Variants in RYR3 observed in about 807,000 individuals in gnomAD.
RYR3 encodes the protein brain ryanodine receptor-calcium release channel.
RYR3 carries 207 observed loss-of-function variants against 584.3 expected under a neutral mutation model. The ratio of observed to expected loss-of-function variants is 0.35; its 90% CI spans 0.32 to 0.40. RYR3 has a LOEUF of 0.40. Among genes scored for constraint, RYR3 ranks in the 10% least tolerant of loss-of-function variants. The pLI is 1.00. For missense variants in RYR3, 5,616 were observed against 6,089.2 expected (o/e 0.92, Z 2.59); for synonymous variants, 2,416 against 2,248.5 (o/e 1.07, Z -2.11).
At chr15:33,399,508 G>A (rs2042505233) in intron 1 of RYR3, among the ~76,000 whole-genome samples, 1 of 152,098 alleles carries the variant, frequency 6.6e-6, no homozygotes, top group Admixed American at 6.5e-5. Context: ...TGTGGTGGCC[G>A]GCGCCTGTAT....
rs1436370170 is a variant in RYR3 at position 33,539,556 on chromosome 15, A to G, written c.546+94A>G. 1.6e-5 allele frequency: 12 copies of G among 732,144 alleles called. 1 individual carries two copies. Among genetic ancestry groups the G allele is most frequent in the African/African-American group, 1.6e-4 (9 of 56,836 alleles). The allele number at this position is 732,144 out of a possible 1,614,324, so 45.4% of individuals were successfully genotyped here. On this transcript the variant is annotated intron_variant, in intron 6 of 103. Coordinates refer to ENST00000634891, the MANE Select transcript of RYR3 (RefSeq NM_001036.6). ...AGAACTGAGCCACAGCAGGTTGGAT[A>G]GAATAAGATGCTTTTACATATATAG...
chr15:33,523,372 A>G (rs750811573), intron 3 of RYR3, among the ~76,000 whole-genome samples: 1 of 151,918 alleles, frequency 6.6e-6, no homozygotes, highest in Non-Finnish European at 1.5e-5. Flanking sequence ...GAGCTGTAAC[A>G]CTCACTGCGA....
intron 60 of RYR3, 129 bp from the exon 61 acceptor site, chr15:33,768,529 T>C (rs757089722): frequency 1.3e-5 from 10 of 782,238 alleles, no homozygotes; most frequent in Non-Finnish European, 2.1e-5. Flanking sequence ...GCTAGGAACA[T>C]AGTGCATCTC....
At position 33,768,699 on chromosome 15, in the gene RYR3, C is replaced by G. The variant is rs375523528; in HGVS notation, c.8747C>G (p.Ser2916Cys). The part of the protein sequence containing the change: ...KLAALVRHRI[S>C]LFGSDSTTMV... ...GCCGCTCTCGTTAGACACAGAATTT[C>G]CCTCTTTGGTAAGTGAAGTGTTGCT... Residue 2916 changes from serine (S) to cysteine (C), a missense_variant, in exon 61 of 104, where the codon TCC (serine) becomes TGC (cysteine). By Grantham distance (112) the Ser-to-Cys change is moderately radical. Coordinates refer to ENST00000634891, the MANE Select transcript of RYR3 (RefSeq NM_001036.6). 11 of 1,613,810 alleles carry G rather than the reference C, an allele frequency of 6.8e-6. No individual in the cohort carries two copies. Among genetic ancestry groups the G allele is most frequent in the Admixed American group, 1.7e-5 (1 of 60,014 alleles).
intron 57 of RYR3, among the ~76,000 whole-genome samples, chr15:33,750,626 T>C (rs2278309): frequency 0.81 from 122,728 of 152,178 alleles, 49,580 homozygotes; most frequent in Admixed American, 0.85. Context: ...GAGTTATAAA[T>C]GACATCCATA....
chr15:33,323,764 G>C (rs1969322506), intron 1 of RYR3, among the ~76,000 whole-genome samples: 1 of 152,148 alleles, frequency 6.6e-6, no homozygotes, highest in African/African-American at 2.4e-5. Context: ...TTGACTCCCA[G>C]CTGTTTGGGA....
chr15:33,744,397 C>T (rs1937642260), intron 52 of RYR3, among the ~76,000 whole-genome samples: 1 of 152,164 alleles, frequency 6.6e-6, no homozygotes. Flanking sequence ...TTCATGAGGG[C>T]ATAGATACAT....
Position 33,857,846 on chromosome 15 carries a change from T to C in RYR3, c.14074T>C (p.Phe4692Leu). The C allele has an allele frequency of 6.2e-7, 1 of 1,614,216 alleles. No homozygotes were observed. The highest frequency in any genetic ancestry group is 8.5e-7 in the Non-Finnish European group (1 of 1,180,044). ...YLYTVVAFNF[F>L]RKFYNKSEDD... ...CTATACTGTGGTGGCTTTCAACTTC[T>C]TCCGCAAGTTCTACAACAAAAGCGA... Residue 4692 changes from phenylalanine (F) to leucine (L), a missense_variant, in exon 99 of 104, where the codon TTC (phenylalanine) becomes CTC (leucine). This residue lies in a region of RYR3 where 918 missense variants were observed against 887.4 expected (regional missense o/e 1.03). Transcript: ENST00000634891.
Position 33,739,092 on chromosome 15 carries a change from C to T in RYR3, c.7656+502C>T, listed in dbSNP as rs967593483. On this transcript the variant is annotated intron_variant, in intron 50 of 103. Coordinates refer to ENST00000634891, the MANE Select transcript of RYR3 (RefSeq NM_001036.6). ...GAGTGAGAACTGAGAGCCTCTGAAT[C>T]CCAGGCCTTACTTGAACGGTGTGAT... is the stretch of plus-strand genomic sequence containing the variant. Among the ~76,000 whole-genome samples the T allele has an allele frequency of 1.6e-4, 24 of 152,310 alleles. 1 individual carries two copies. The highest frequency in any genetic ancestry group is 1.5e-3 in the Admixed American group (23 of 15,300).
At chr15:33,745,957 C>T (rs1351432222) in intron 52 of RYR3, 111 bp from the exon 53 acceptor site, 3 of 744,856 alleles carry the variant, frequency 4.0e-6, no homozygotes, top group Non-Finnish European at 7.1e-6. Context: ...TTTCTAAGCC[C>T]TGTCACTATC....
intron 91 of RYR3, 50 bp from the exon 92 acceptor site, chr15:33,843,438 C>G (rs1416710724): frequency 7.5e-7 from 1 of 1,326,576 alleles, no homozygotes; most frequent in Admixed American, 2.0e-5. Flanking sequence ...GTAGGAAGTT[C>G]TCTTTTCCTT....
chr15:33,334,725 A>G (rs1228578764), intron 1 of RYR3, among the ~76,000 whole-genome samples: 1 of 152,182 alleles, frequency 6.6e-6, no homozygotes, highest in Non-Finnish European at 1.5e-5. Flanking sequence ...GAAAACTATC[A>G]ACAGAGTAAA....
rs758720608 is a variant in RYR3, at chr15:33,670,466, A to G, written c.5770A>G (p.Thr1924Ala). ...EEEEEEDTSW[T>A]GKLCALVYKI... Reference sequence around the variant, plus strand: ...AGAGGAGGAGGAGGACACCTCCTGGACAGGAAAACTCTGTGCCTTGGTTTA... The same window carrying G: ...AGAGGAGGAGGAGGACACCTCCTGGGCAGGAAAACTCTGTGCCTTGGTTTA... Residue 1924 changes from threonine (T) to alanine (A), a missense_variant, in exon 38 of 104, where the codon ACA becomes GCA. Thr to Ala is a moderately conservative substitution (Grantham distance 58, BLOSUM62 0). Transcript: ENST00000634891. 2 of 1,613,064 alleles carry G rather than the reference A, an allele frequency of 1.2e-6. No homozygotes were observed. The highest frequency in any genetic ancestry group is 2.2e-5 in the East Asian group (1 of 44,866).
chr15:33,725,180 C>CACACACACACACACACACACATAA (rs1555427016), intron 45 of RYR3, among the ~76,000 whole-genome samples: 1 of 143,792 alleles, frequency 7.0e-6, no homozygotes, highest in Non-Finnish European at 1.5e-5. Flanking sequence ...CACACACACA[C>CACACACACACACACACACACATAA]ACACACACAC....
At chr15:33,842,953 G>A (rs553094980) in intron 91 of RYR3, among the ~76,000 whole-genome samples, 1 of 152,208 alleles carries the variant, frequency 6.6e-6, no homozygotes, top group Non-Finnish European at 1.5e-5. Context: ...CCAATTCTAA[G>A]CAATTTTTTT....
At chr15:33,801,200 AC>A (rs1399654288) in intron 68 of RYR3, among the ~76,000 whole-genome samples, 5 of 152,210 alleles carry the variant, frequency 3.3e-5, no homozygotes, top group African/African-American at 1.2e-4. Context: ...AGATTTTCTG[AC>A]TGACAGTTGT....
chr15:33,685,211 CAG>C (rs1235132094), intron 38 of RYR3, among the ~76,000 whole-genome samples: 5 of 152,164 alleles, frequency 3.3e-5, no homozygotes, highest in African/African-American at 4.8e-5. Context: ...ATTTCACGTG[CAG>C]AGACACACAT....
In RYR3 at chr15:33,738,595, T is replaced by C. The variant is rs755422247; in HGVS notation, c.7656+5T>C. 1.1e-5 allele frequency: 18 copies of C among 1,613,858 alleles called. No individual in the cohort carries two copies. Among genetic ancestry groups the C allele is most frequent in the Non-Finnish European group, 1.4e-5 (17 of 1,179,808 alleles). On this transcript the variant is annotated splice_donor_5th_base_variant and intron_variant, in intron 50 of 103. Transcript: ENST00000634891. ...TTTGACTCGCTCTCCCATAAGGTAATGACAGTACTTTCTGAACAAAAAGAG... is the reference window on the plus strand; with the variant it reads ...TTTGACTCGCTCTCCCATAAGGTAACGACAGTACTTTCTGAACAAAAAGAG...
chr15:33,796,815 G>A (rs2075653167), intron 67 of RYR3, among the ~76,000 whole-genome samples: 1 of 152,178 alleles, frequency 6.6e-6, no homozygotes, highest in Non-Finnish European at 1.5e-5. Context: ...GTTTATTGCA[G>A]CACTATTCAC....
Sources: gnomAD v4.1 joint callset for allele counts (sites outside exome capture counted in the v4.1 genomes callset) on GRCh38, gnomAD v4.1.1 for gene constraint, gnomAD v4.1.1 regional missense constraint, MANE v1.5 for transcripts, NCBI Gene and HGNC (gene_info 2026-07-23, HGNC 2026-07-21) for gene names.